TIAM2: variants seen among roughly 807,000 people sequenced by gnomAD.
The protein encoded by TIAM2 is rho guanine nucleotide exchange factor TIAM2.
In TIAM2, 80 loss-of-function variants were observed where a neutral mutation model predicts 152.9. The observed-to-expected ratio is 0.52, with a 90% confidence interval of 0.44 to 0.63. TIAM2 has a LOEUF of 0.63. Ranked by LOEUF, TIAM2 falls within the 30% of genes least tolerant of loss-of-function variation. The pLI is 0.00. For synonymous variants in TIAM2, 804 were observed against 838.0 expected (o/e 0.96, Z 0.70); for missense variants, 1,965 against 2,120.1 (o/e 0.93, Z 1.44).
chr6:155,168,640 C>T (rs1403047557), intron 9 of TIAM2, among the ~76,000 whole-genome samples: 1 of 151,922 alleles, frequency 6.6e-6, no homozygotes, highest in African/African-American at 2.4e-5. Flanking sequence ...TACAGGCCGA[C>T]TTAAATAATA....
chr6:155,041,525 ATTG>A (rs1777047619), intron 1 of TIAM2, among the ~76,000 whole-genome samples: 2 of 152,360 alleles, frequency 1.3e-5, no homozygotes, highest in East Asian at 3.9e-4. Flanking sequence ...AGAATTCTGT[ATTG>A]TTCTGAATTT....
rs1365539789 is a variant in TIAM2 at position 154,995,326 on chromosome 6, T to A, written c.-375T>A. On this transcript the variant is annotated 5_prime_UTR_variant, in exon 1 of 27. Transcript: ENST00000682666. This position sits in a 1 kb window ranked among gnomAD's most constrained non-coding sequence, Gnocchi z 5.2. ...CGCGGGGCTGGGGCAGCGGTAACCG[T>A]AACTGTGGCCGCGGCCGCCGCAGGC... 6.6e-6 allele frequency: 1 copy of A among 150,814 alleles called. No individual in the cohort carries two copies. Among genetic ancestry groups the A allele is most frequent in the African/African-American group, 2.4e-5 (1 of 41,106 alleles). The allele number at this position is 150,814 out of a possible 1,614,324, so 9.3% of individuals were successfully genotyped here. A position where few individuals can be genotyped will look rare whatever the true frequency, so the allele number is the denominator to read the frequency against.
rs1325954338 is a variant in TIAM2 at position 155,104,772 on chromosome 6, T to C, written c.-118+14393T>C. Reference sequence around the variant, plus strand: ...ACTCTGTCTCAAAAAAAAAAAAAAATTATAAAGCATACCTTCAAGTGTATA... The same window carrying C: ...ACTCTGTCTCAAAAAAAAAAAAAAACTATAAAGCATACCTTCAAGTGTATA... On this transcript the variant is annotated intron_variant, in intron 2 of 26. Coordinates refer to ENST00000682666, the MANE Select transcript of TIAM2 (RefSeq NM_012454.4). 2.6e-5 allele frequency among the ~76,000 whole-genome samples: 3 copies of C among 115,812 alleles called. No individual in the cohort carries two copies. In the South Asian group the frequency reaches 8.9e-4, roughly 34 times the overall value. 76.0% of individuals were successfully genotyped at this position (115,812 alleles called of 152,430 possible). A position where few individuals can be genotyped will look rare whatever the true frequency, so the allele number is the denominator to read the frequency against.
At chr6:155,169,912 A>C (rs1431659982) in intron 9 of TIAM2, among the ~76,000 whole-genome samples, 1 of 151,774 alleles carries the variant, frequency 6.6e-6, no homozygotes, top group Admixed American at 6.6e-5. Flanking sequence ...TCTGCCTCCC[A>C]GGTTGAAGCA....
intron 1 of TIAM2, among the ~76,000 whole-genome samples, chr6:155,028,280 A>T: frequency 7.6e-6 from 1 of 131,150 alleles, no homozygotes; most frequent in African/African-American, 2.8e-5. Flanking sequence ...TAATATATGT[A>T]CTGTGTTACA....
chr6:155,071,015 T>C (rs1777826535), intron 1 of TIAM2, among the ~76,000 whole-genome samples: 1 of 152,058 alleles, frequency 6.6e-6, no homozygotes, highest in South Asian at 2.1e-4. Context: ...CTACTACTAA[T>C]GAAAAAAATT....
At chr6:155,189,434 GT>G (rs1490306293) in intron 14 of TIAM2, among the ~76,000 whole-genome samples, 1 of 152,002 alleles carries the variant, frequency 6.6e-6, no homozygotes, top group Non-Finnish European at 1.5e-5. Context: ...AGAATTACGA[GT>G]TTGTTTTGTC....
At chr6:155,230,189 C>A (rs1782405550) in intron 15 of TIAM2, among the ~76,000 whole-genome samples, 1 of 152,200 alleles carries the variant, frequency 6.6e-6, no homozygotes, top group South Asian at 2.1e-4. Flanking sequence ...CCTCCACCCA[C>A]TCCTGCTCTC....
Position 155,137,373 on chromosome 6 carries a change from G to A in TIAM2, c.1391G>A (p.Arg464Gln), listed in dbSNP as rs1364679189. 3.7e-6 allele frequency: 6 copies of A among 1,614,206 alleles called. No homozygotes were observed. Among genetic ancestry groups the A allele is most frequent in the African/African-American group, 1.3e-5 (1 of 75,048 alleles). Reference protein sequence around the residue: ...LRQNIYENFMRELEMSRTNTE... With the variant: ...LRQNIYENFMQELEMSRTNTE... ...CAGAACATTTATGAGAATTTCATGC[G>A]AGAGTTGGAAATGAGCAGGACCAAC... is the stretch of plus-strand genomic sequence containing the variant. Residue 464 changes from arginine (R) to glutamine (Q), a missense_variant, in exon 5 of 27, where the codon CGA becomes CAA. Coordinates refer to ENST00000682666, the MANE Select transcript of TIAM2 (RefSeq NM_012454.4).
chr6:155,081,383 C>G (rs1778057607), intron 1 of TIAM2, among the ~76,000 whole-genome samples: 1 of 141,974 alleles, frequency 7.0e-6, no homozygotes, highest in Non-Finnish European at 1.5e-5. Context: ...GTCACACTGT[C>G]TTTATTATAA....
At chr6:155,138,840 G>A (rs1324130631) in intron 5 of TIAM2, among the ~76,000 whole-genome samples, 3 of 152,040 alleles carry the variant, frequency 2.0e-5, no homozygotes, top group South Asian at 4.2e-4. Context: ...TATCATTGAT[G>A]GACCAGCTGT....
At chr6:155,246,005 C>A (rs1783304994) in intron 19 of TIAM2, among the ~76,000 whole-genome samples, 1 of 151,752 alleles carries the variant, frequency 6.6e-6, no homozygotes, top group Non-Finnish European at 1.5e-5. Context: ...TTGCCAAATT[C>A]CTTTCTCTAA....
rs1562292978 is a variant in TIAM2 at position 155,024,656 on chromosome 6, A to ATTT, written c.-209+29164_-209+29165insTTT. ...TGTGGTATAAATCCATGTCTTTAAA[A>ATTT]AAAAAAAAAAAGCAATTACTATGTT... is the stretch of plus-strand genomic sequence containing the variant. On this transcript the variant is annotated intron_variant, in intron 1 of 26. Coordinates refer to ENST00000682666, the MANE Select transcript of TIAM2 (RefSeq NM_012454.4). Among the ~76,000 whole-genome samples the ATTT allele has an allele frequency of 3.8e-3, 574 of 151,924 alleles. 1 individual carries two copies. The highest frequency in any genetic ancestry group is 0.013 in the African/African-American group (536 of 41,406).
At chr6:155,184,794 CTT>C (rs1780995722) in intron 14 of TIAM2, among the ~76,000 whole-genome samples, 1 of 152,096 alleles carries the variant, frequency 6.6e-6, no homozygotes, top group South Asian at 2.1e-4. Flanking sequence ...TCTCTTGGGG[CTT>C]TCCTCTAATT....
At chr6:155,164,152 T>TTTTTTTTTTG (rs1252949347) in intron 7 of TIAM2, among the ~76,000 whole-genome samples, 2 of 148,058 alleles carry the variant, frequency 1.4e-5, no homozygotes, top group African/African-American at 2.5e-5. Flanking sequence ...TTTTCTTTTT[T>TTTTTTTTTTG]TTAGTAGAGA....
chr6:155,209,638 A>G (rs1296759035), intron 14 of TIAM2, among the ~76,000 whole-genome samples: 1 of 152,186 alleles, frequency 6.6e-6, no homozygotes, highest in Non-Finnish European at 1.5e-5. Flanking sequence ...CCCTAGGCTA[A>G]GTTAACTCTG....
chr6:155,086,575 C>T lies in TIAM2; in HGVS notation c.-208-3714C>T, dbSNP rs569627866. On this transcript the variant is annotated intron_variant, in intron 1 of 26. Transcript: ENST00000682666. Reference sequence around the variant, plus strand: ...TACAAAAATTAGACAAGTGTGGTGGCGTGCACCTGTAATCCCGGCTACTCA... The same window carrying T: ...TACAAAAATTAGACAAGTGTGGTGGTGTGCACCTGTAATCCCGGCTACTCA... Among the ~76,000 whole-genome samples, 11 of 152,032 alleles carry T rather than the reference C, an allele frequency of 7.2e-5. No individual in the cohort carries two copies. The South Asian group carries it at 1.7e-3, about 23-fold the overall frequency.
chr6:155,031,704 C>G (rs1195030404), intron 1 of TIAM2, among the ~76,000 whole-genome samples: 1 of 152,044 alleles, frequency 6.6e-6, no homozygotes, highest in East Asian at 1.9e-4. Flanking sequence ...AGCCTGGGCA[C>G]AGAGTGTGTG....
At chr6:155,035,580 G>T (rs532634660) in intron 1 of TIAM2, among the ~76,000 whole-genome samples, 16 of 152,286 alleles carry the variant, frequency 1.1e-4, no homozygotes, top group Admixed American at 2.0e-4. Context: ...TCTTATTCCT[G>T]TGTGTATGTG....
Sources: gnomAD v4.1 joint callset for allele counts (sites outside exome capture counted in the v4.1 genomes callset) on GRCh38, gnomAD v4.1.1 for gene constraint, Gnocchi (gnomAD v3.1) non-coding constraint, MANE v1.5 for transcripts, NCBI Gene and HGNC (gene_info 2026-07-23, HGNC 2026-07-21) for gene names.